The following CFAP210 variants were observed in gnomAD, a reference collection of about 807,000 sequenced individuals.
The protein encoded by CFAP210 is cilia and flagella associated protein 210, also known as cilia- and flagella- associated protein 210.
chr2:169,650,291 T>C, the CFAP210 span: 1 of 1,507,866 alleles, frequency 6.6e-7, no homozygotes, highest in East Asian at 2.4e-5. Flanking sequence ...GTCCTAACTC[T>C]GTCTTTCTAT....
chr2:169,662,133 A>T, the CFAP210 span: 2 of 775,072 alleles, frequency 2.6e-6, no homozygotes, highest in Non-Finnish European at 4.2e-6. Context: ...GATAACCTAA[A>T]TTCCCTTACT....
the CFAP210 span, among the ~76,000 whole-genome samples, chr2:169,669,351 T>C: frequency 6.6e-6 from 1 of 152,196 alleles, no homozygotes; most frequent in Non-Finnish European, 1.5e-5. Flanking sequence ...TTGGAGGGGA[T>C]GTCAAATTTC....
chr2:169,663,775 C>T, the CFAP210 span, among the ~76,000 whole-genome samples: 10 of 149,458 alleles, frequency 6.7e-5, no homozygotes, highest in East Asian at 3.9e-4. Context: ...ACCAGGTTTA[C>T]GATTGCCCTA....
the CFAP210 span, among the ~76,000 whole-genome samples, chr2:169,684,318 G>C: frequency 2.4e-4 from 36 of 152,262 alleles, no homozygotes; most frequent in African/African-American, 7.0e-4. Context: ...TTTTTATTGA[G>C]TTATAATACA....
the CFAP210 span, among the ~76,000 whole-genome samples, chr2:169,679,040 C>T: frequency 9.2e-5 from 14 of 151,950 alleles, no homozygotes; most frequent in African/African-American, 2.9e-4. Context: ...AATATATATA[C>T]GCAAGTGGAT....
the CFAP210 span, among the ~76,000 whole-genome samples, chr2:169,653,571 T>G: frequency 1.2e-4 from 18 of 148,484 alleles, no homozygotes; most frequent in African/African-American, 4.5e-4. Context: ...CAATGTCCTC[T>G]AAATCTGATG....
the CFAP210 span, among the ~76,000 whole-genome samples, chr2:169,666,194 G>A: frequency 6.6e-6 from 1 of 151,794 alleles, no homozygotes; most frequent in Admixed American, 6.6e-5. Flanking sequence ...CATCTTTTCA[G>A]TTACCTATGC....
the CFAP210 span, among the ~76,000 whole-genome samples, chr2:169,680,219 T>G: frequency 6.6e-6 from 1 of 152,330 alleles, no homozygotes; most frequent in South Asian, 2.1e-4. Context: ...ATTGCACACC[T>G]ATTAGAATGT....
the CFAP210 span, among the ~76,000 whole-genome samples, chr2:169,646,372 GA>G: frequency 6.6e-6 from 1 of 152,164 alleles, no homozygotes; most frequent in African/African-American, 2.4e-5. Context: ...GTGGTGCAAT[GA>G]AACCTTTATT....
the CFAP210 span, among the ~76,000 whole-genome samples, chr2:169,660,604 ATTTT>A: frequency 1.3e-4 from 16 of 121,714 alleles, no homozygotes; most frequent in East Asian, 1.0e-3. Flanking sequence ...ATATATATAT[ATTTT>A]TTTTTTTTTC....
the CFAP210 span, chr2:169,674,924 G>T: frequency 6.5e-7 from 1 of 1,534,196 alleles, no homozygotes; most frequent in Non-Finnish European, 8.8e-7. Flanking sequence ...CATTTTCAAT[G>T]GCCTTTTTTC....
the CFAP210 span, among the ~76,000 whole-genome samples, chr2:169,677,611 T>C: frequency 3.9e-5 from 6 of 152,234 alleles, no homozygotes; most frequent in African/African-American, 7.2e-5. Flanking sequence ...CTTAGCATCA[T>C]ACTTAAAGGT....
At chr2:169,668,953 C>A in the CFAP210 span, among the ~76,000 whole-genome samples, 1 of 152,114 alleles carries the variant, frequency 6.6e-6, no homozygotes, top group Non-Finnish European at 1.5e-5. Flanking sequence ...TGCCACAAAT[C>A]TTCGATTTGT....
chr2:169,677,084 G>C, the CFAP210 span, among the ~76,000 whole-genome samples: 3 of 152,188 alleles, frequency 2.0e-5, no homozygotes, highest in Admixed American at 6.6e-5. Context: ...ACAGAGAGGA[G>C]CACAGCAAAA....
the CFAP210 span, chr2:169,654,003 C>T: frequency 2.1e-6 from 3 of 1,406,752 alleles, no homozygotes; most frequent in Non-Finnish European, 2.8e-6. Context: ...TTCCTAAAGA[C>T]TACTGTCATA....
chr2:169,684,202 C>T, the CFAP210 span, among the ~76,000 whole-genome samples: 4 of 152,082 alleles, frequency 2.6e-5, no homozygotes, highest in South Asian at 4.2e-4. Context: ...TAGGCAGACT[C>T]GCAAGCAGGA....
the CFAP210 span, chr2:169,674,921 A>G: frequency 1.3e-6 from 2 of 1,535,874 alleles, no homozygotes; most frequent in South Asian, 2.5e-5. Flanking sequence ...TTGCATTTTC[A>G]ATGGCCTTTT....
chr2:169,646,071 C>T, the CFAP210 span: 1 of 1,613,910 alleles, frequency 6.2e-7, no homozygotes, highest in Non-Finnish European at 8.5e-7. Context: ...TCAATTACCT[C>T]TCTGGCATAG....
At chr2:169,676,488 T>C in the CFAP210 span, among the ~76,000 whole-genome samples, 4 of 152,214 alleles carry the variant, frequency 2.6e-5, no homozygotes, top group East Asian at 5.8e-4. Context: ...TACAAATGCA[T>C]ACAGTCACTT....
Sources: allele counts gnomAD v4.1 joint callset (sites outside exome capture counted in the v4.1 genomes callset), GRCh38; gene constraint gnomAD v4.1.1; transcripts MANE v1.5; gene names NCBI Gene and HGNC (gene_info 2026-07-23, HGNC 2026-07-21).